The following CCNH variants were observed in gnomAD, a reference collection of about 807,000 sequenced individuals.
The protein encoded by CCNH is cyclin-H.
A neutral mutation model predicts 41.9 loss-of-function variants in CCNH; 31 were observed. That is an observed-to-expected ratio of 0.74 (90% CI 0.56 to 1.00). The LOEUF (loss-of-function observed/expected upper bound fraction) is 1.00. Among genes scored for constraint, CCNH ranks in the 50% least tolerant of loss-of-function variants. The pLI is 0.00. For synonymous variants in CCNH, 138 were observed against 136.1 expected (o/e 1.01, Z -0.10); for missense variants, 362 against 388.4 (o/e 0.93, Z 0.57).
intron 9 of CCNH, chr5:87,383,678 TAAAA>T (rs368117332): frequency 2.3e-5 from 31 of 1,319,368 alleles, no homozygotes; most frequent in African/African-American, 6.4e-5. Flanking sequence ...AGGTGTTTTC[TAAAA>T]AAAAAAAAAA....
intron 9 of CCNH, among the ~76,000 whole-genome samples, chr5:87,320,680 C>A (rs886531156): frequency 6.6e-6 from 1 of 152,188 alleles, no homozygotes; most frequent in African/African-American, 2.4e-5. Context: ...TCCCCCAACA[C>A]TGGGAGTAAC....
chr5:87,340,346 T>G (rs1434243136), intron 9 of CCNH, among the ~76,000 whole-genome samples: 1 of 152,126 alleles, frequency 6.6e-6, no homozygotes, highest in African/African-American at 2.4e-5. Flanking sequence ...AATTAATAAT[T>G]GTGTAAAACT....
chr5:87,397,950 T>G (rs1763093568), intron 7 of CCNH, among the ~76,000 whole-genome samples: 1 of 151,450 alleles, frequency 6.6e-6, no homozygotes, highest in Admixed American at 6.5e-5. Context: ...CAAGAAACTG[T>G]GTTCTAAAAA....
intron 9 of CCNH, among the ~76,000 whole-genome samples, chr5:87,335,767 A>G (rs1757932815): frequency 6.6e-6 from 1 of 152,208 alleles, no homozygotes; most frequent in Non-Finnish European, 1.5e-5. Context: ...GTTAACAACT[A>G]GAAGATATAG....
At chr5:87,353,683 C>CT (rs11395697) in intron 9 of CCNH, among the ~76,000 whole-genome samples, 1,830 of 152,188 alleles carry the variant, frequency 0.012, 30 homozygotes, top group African/African-American at 0.041. Context: ...TCTGTATACT[C>CT]TGAGTGAAAA....
intron 9 of CCNH, chr5:87,353,144 T>A: frequency 1.3e-6 from 2 of 1,597,780 alleles, no homozygotes; most frequent in Non-Finnish European, 1.7e-6. Flanking sequence ...ACTAGAAATT[T>A]TTATTTTAAC....
chr5:87,409,404 A>T lies in CCNH; in HGVS notation c.241-41T>A, dbSNP rs751829655. ...AATATATCATCAGGATCTAGTCACA[A>T]ATGTTAAATGTTAAATTTTGTGAAA... On this transcript the variant is annotated intron_variant, in intron 2 of 8. Transcript: ENST00000256897. The T allele has an allele frequency of 8.2e-6, 9 of 1,101,342 alleles. No individual in the cohort carries two copies. The African/African-American group carries it at 1.3e-4, about 15-fold the overall frequency. The allele number at this position is 1,101,342 out of a possible 1,614,324, so 68.2% of individuals were successfully genotyped here.
chr5:87,412,074 G>A (rs1336796646), intron 1 of CCNH, among the ~76,000 whole-genome samples: 1 of 152,148 alleles, frequency 6.6e-6, no homozygotes, highest in Non-Finnish European at 1.5e-5. Flanking sequence ...CCACGAGGTT[G>A]CTAGAGCGCT....
At chr5:87,348,442 A>G (rs1222534384) in intron 9 of CCNH, among the ~76,000 whole-genome samples, 1 of 152,034 alleles carries the variant, frequency 6.6e-6, no homozygotes, top group South Asian at 2.1e-4. Flanking sequence ...CAAAGATATC[A>G]GAAATACTTC....
At chr5:87,399,965 C>T (rs901260626) in intron 6 of CCNH, among the ~76,000 whole-genome samples, 4 of 152,170 alleles carry the variant, frequency 2.6e-5, no homozygotes, top group African/African-American at 9.7e-5. Flanking sequence ...AGGGAGGATG[C>T]TCAGTAAAAA....
rs2290280 is a variant in CCNH, at chr5:87,412,904, C to A, written c.-110G>T. On this transcript the variant is annotated 5_prime_UTR_variant, in exon 1 of 9. Coordinates refer to ENST00000256897, the MANE Select transcript of CCNH (RefSeq NM_001239.4). ...CCGAAGATCTCGCGGAAGCCTAGGG[C>A]GTCCGGCTAGCCGGCGCTGGCGCGC... 10,756 of 1,494,354 alleles carry A rather than the reference C, an allele frequency of 7.2e-3. 428 individuals are homozygous for A. In the East Asian group the frequency reaches 0.12, roughly 16 times the overall value. The allele number at this position is 1,494,354 out of a possible 1,614,324, so 92.6% of individuals were successfully genotyped here.
intron 9 of CCNH, among the ~76,000 whole-genome samples, chr5:87,357,760 A>T (rs574131872): frequency 1.3e-5 from 2 of 152,334 alleles, no homozygotes; most frequent in Admixed American, 1.3e-4. Flanking sequence ...AGTATGTGTT[A>T]TAAGACTGCT....
At chr5:87,363,800 A>AT (rs1282061925) in intron 9 of CCNH, among the ~76,000 whole-genome samples, 3 of 151,974 alleles carry the variant, frequency 2.0e-5, no homozygotes, top group Non-Finnish European at 4.4e-5. Context: ...CTTTCCTCTG[A>AT]TTTTTTCACA....
At chr5:87,312,368 A>AT in the CCNH span, among the ~76,000 whole-genome samples, 1 of 152,076 alleles carries the variant, frequency 6.6e-6, no homozygotes, top group East Asian at 1.9e-4. Context: ...CTTCTCATAA[A>AT]TTTTTTTTGG....
At chr5:87,331,099 A>G (rs1327191431) in intron 9 of CCNH, 2 of 903,676 alleles carry the variant, frequency 2.2e-6, no homozygotes, top group Non-Finnish European at 3.3e-6. Flanking sequence ...AGATGGGTAG[A>G]AATGGAAGAG....
intron 3 of CCNH, chr5:87,409,069 C>T (rs1327591534): frequency 9.1e-6 from 3 of 331,376 alleles, no homozygotes; most frequent in Non-Finnish European, 1.6e-5. Context: ...TGAATCTGGA[C>T]AAGCTGAAGT....
intron 5 of CCNH, among the ~76,000 whole-genome samples, chr5:87,404,041 A>G (rs886647855): frequency 3.3e-5 from 5 of 152,248 alleles, no homozygotes; most frequent in Admixed American, 1.3e-4. Context: ...GAGAACAGGC[A>G]TATCATAAAT....
chr5:87,390,689 A>G (rs939084978), downstream of CCNH: 13 of 825,930 alleles, frequency 1.6e-5, no homozygotes, highest in African/African-American at 1.7e-4. Flanking sequence ...AATTGTGGTA[A>G]TATTTTATGC....
intron 6 of CCNH, among the ~76,000 whole-genome samples, chr5:87,400,294 A>G (rs1437479060): frequency 2.6e-5 from 4 of 152,192 alleles, no homozygotes; most frequent in Admixed American, 6.5e-5. Context: ...GACAGTATCT[A>G]TGTTCCAAAA....
Sources: gnomAD v4.1 joint callset for allele counts (sites outside exome capture counted in the v4.1 genomes callset) on GRCh38, gnomAD v4.1.1 for gene constraint, MANE v1.5 for transcripts, NCBI Gene and HGNC (gene_info 2026-07-23, HGNC 2026-07-21) for gene names.